WNT8A: variants seen among roughly 807,000 people sequenced by gnomAD.
WNT8A encodes Wnt family member 8A.
In WNT8A, 14 loss-of-function variants were observed where a neutral mutation model predicts 20.5. The observed-to-expected ratio is 0.68, with a 90% confidence interval of 0.45 to 1.07. WNT8A has a LOEUF of 1.07. WNT8A is among the 50% of genes least tolerant of loss of function. The pLI, the probability that WNT8A is intolerant of heterozygous loss-of-function variation, is 0.00. For synonymous variants in WNT8A, 167 were observed against 169.2 expected, an observed-to-expected ratio of 0.99 and a Z score of 0.10; for missense variants, 397 against 462.9, an observed-to-expected ratio of 0.86 and a Z score of 1.31.
At chr5:138,088,074 C>T (rs1335191388) in intron 3 of WNT8A, 143 bp downstream of exon 3, 9 of 1,287,610 alleles carry the variant, frequency 7.0e-6, no homozygotes, top group Non-Finnish European at 9.5e-6. Context: ...GTAGGATCTC[C>T]TAGCCTTACA....
chr5:138,083,893 G>A (rs1473934399), upstream of WNT8A: 5 of 504,314 alleles, frequency 9.9e-6, no homozygotes, highest in East Asian at 1.5e-4. Context: ...CGAAAACTGA[G>A]TCCCTCCTCC....
At position 138,090,722 on chromosome 5, in the gene WNT8A, G is replaced by C. The variant is rs1242729710; in HGVS notation, c.759G>C (p.Trp253Cys). The C allele has an allele frequency of 6.2e-7, 1 of 1,614,244 alleles. No individual in the cohort carries two copies. The highest frequency in any genetic ancestry group is 1.1e-5 in the South Asian group (1 of 91,086). The part of the protein sequence containing the change: ...LRAGNSAEGH[W>C]VPAEAFLPSA... Reference sequence around the variant, plus strand: ...CTGGGAACAGCGCCGAGGGCCACTGGGTGCCCGCTGAGGCCTTCCTTCCTA... The same window carrying C: ...CTGGGAACAGCGCCGAGGGCCACTGCGTGCCCGCTGAGGCCTTCCTTCCTA... The change falls in exon 5 of 5, where the codon TGG becomes TGC. Residue 253 changes from tryptophan to cysteine, a missense_variant. Coordinates refer to ENST00000506684, the MANE Select transcript of WNT8A (RefSeq NM_001300939.2).
At chr5:138,080,444 G>GTTTTCTTTTT (rs1750473637), upstream of WNT8A, among the ~76,000 whole-genome samples, 1 of 55,974 alleles carries the variant, frequency 1.8e-5, no homozygotes, top group Non-Finnish European at 3.2e-5. Flanking sequence ...TGTAAATCTT[G>GTTTTCTTTTT]TTTTTTTTTT....
chr5:138,089,443 GT>G (rs1750778266), intron 4 of WNT8A, among the ~76,000 whole-genome samples: 5 of 152,124 alleles, frequency 3.3e-5, no homozygotes, highest in Admixed American at 6.5e-5. Flanking sequence ...GTCCAGCCTT[GT>G]GTCCTAAAGT....
chr5:138,082,609 G>T (rs1047633699), upstream of WNT8A, among the ~76,000 whole-genome samples: 1 of 152,084 alleles, frequency 6.6e-6, no homozygotes, highest in East Asian at 1.9e-4. Flanking sequence ...GCTGGGTATG[G>T]TGGCTCACGC....
chr5:138,084,462 C>T (rs370987701), intron 1 of WNT8A, 36 bp from the exon 2 acceptor site: 30 of 1,572,784 alleles, frequency 1.9e-5, no homozygotes, highest in Non-Finnish European at 2.5e-5. Context: ...ATGACCCATA[C>T]CGGGCAGAAG....
At position 138,084,499 on chromosome 5, in the gene WNT8A, C is replaced by T. The variant is rs1202295877; in HGVS notation, c.158C>T (p.Ala53Val). Residue 53 changes from alanine (A) to valine (V), a missense_variant and splice_region_variant, in exon 2 of 5, where the codon GCC becomes GTC. Coordinates refer to ENST00000506684, the MANE Select transcript of WNT8A (RefSeq NM_001300939.2). ...TCACAGCCCTTTTCCCTTTGCCAGG[C>T]CTATCTGACCTACACGACTAGTGTG... ...VNNFLITGPK[A>V]YLTYTTSVAL... is the part of the protein sequence containing the mutation. 2.5e-6 allele frequency: 4 copies of T among 1,601,478 alleles called. No individual in the cohort carries two copies. The highest frequency in any genetic ancestry group is 1.7e-5 in the Admixed American group (1 of 58,208).
At chr5:138,082,391 C>A (rs1202956960), upstream of WNT8A, among the ~76,000 whole-genome samples, 2 of 151,878 alleles carry the variant, frequency 1.3e-5, no homozygotes, top group Non-Finnish European at 2.9e-5. Context: ...ACCAGCCTGG[C>A]CAACATAGGG....
Position 138,084,155 on chromosome 5 carries a change from C to G in WNT8A, c.28C>G (p.Leu10Val). 1 of 1,614,188 alleles carries G rather than the reference C, an allele frequency of 6.2e-7. No individual in the cohort carries two copies. Among genetic ancestry groups the G allele is most frequent in the East Asian group, 2.2e-5 (1 of 44,880 alleles). Residue 10 changes from leucine to valine, a missense_variant, in exon 1 of 5, where the codon CTG (leucine) becomes GTG (valine). By Grantham distance (32) the Leu-to-Val change is conservative (BLOSUM62 1). Transcript: ENST00000506684. ...GCTGTGCTGCATTCAGTGCCTCTGC[C>G]TGGTAAGTCCTTTCCCAACCCTCAC... MLCCIQCLC[L>V]VSPFPTLTPC... is the part of the protein sequence containing the mutation.
chr5:138,084,891 G>T (rs542136625), intron 2 of WNT8A, among the ~76,000 whole-genome samples: 1 of 152,100 alleles, frequency 6.6e-6, no homozygotes, highest in Admixed American at 6.5e-5. Context: ...AATGAGGTGG[G>T]TATGAGGTGT....
rs781105773 is a variant in WNT8A at position 138,087,828 on chromosome 5, A to C, written c.318A>C (p.Ile106=). The change falls in exon 3 of 5, where the codon ATA becomes ATC. Residue 106 remains isoleucine (I), a synonymous_variant. Coordinates refer to ENST00000506684, the MANE Select transcript of WNT8A (RefSeq NM_001300939.2). ...AAGCTACCAGAGAGACTTCCTTCATACATGCTATCAGCTCTGCTGGAGTCA... is the reference window on the plus strand; with the variant it reads ...AAGCTACCAGAGAGACTTCCTTCATCCATGCTATCAGCTCTGCTGGAGTCA... ...LRSATRETSF[I]HAISSAGVMY... is the part of the protein sequence containing the mutation. 6 of 1,613,794 alleles carry C rather than the reference A, an allele frequency of 3.7e-6. No homozygotes were observed. In the East Asian group the frequency reaches 1.3e-4, roughly 36 times the overall value.
At chr5:138,084,898 G>GTGTCTCTATGTATGAGA (rs1750610251) in intron 2 of WNT8A, among the ~76,000 whole-genome samples, 1 of 151,946 alleles carries the variant, frequency 6.6e-6, no homozygotes, top group Non-Finnish European at 1.5e-5. Flanking sequence ...TGGGTATGAG[G>GTGTCTCTATGTATGAGA]TGTCTCTATG....
chr5:138,086,165 T>A (rs1290307323), intron 2 of WNT8A, among the ~76,000 whole-genome samples: 1 of 152,150 alleles, frequency 6.6e-6, no homozygotes, highest in African/African-American at 2.4e-5. Flanking sequence ...AAGGTCCCGA[T>A]CCCAACACCA....
At chr5:138,083,984 G>A, upstream of WNT8A, 2 of 1,088,388 alleles carry the variant, frequency 1.8e-6, no homozygotes, top group South Asian at 3.4e-5. Flanking sequence ...TCCTCCCTTG[G>A]ACATTCAGAA....
chr5:138,081,215 G>T (rs1374263275), upstream of WNT8A, among the ~76,000 whole-genome samples: 1 of 104,522 alleles, frequency 9.6e-6, no homozygotes, highest in Non-Finnish European at 1.9e-5. Flanking sequence ...GACAGAGCGA[G>T]ACTCTGTCTC....
At chr5:138,081,463 G>A (rs1750510495), upstream of WNT8A, among the ~76,000 whole-genome samples, 1 of 152,052 alleles carries the variant, frequency 6.6e-6, no homozygotes, top group Non-Finnish European at 1.5e-5. Flanking sequence ...GGTGGCAGGG[G>A]ACTTCCTCGG....
At chr5:138,088,059 C>A in intron 3 of WNT8A, 128 bp downstream of exon 3, 1 of 1,368,692 alleles carries the variant, frequency 7.3e-7, no homozygotes, top group Non-Finnish European at 9.8e-7. Context: ...GCAACTCCTT[C>A]AATTGTAGGA....
At chr5:138,088,201 G>T (rs79861598) in intron 3 of WNT8A, among the ~76,000 whole-genome samples, 1 of 152,126 alleles carries the variant, frequency 6.6e-6, no homozygotes, top group East Asian at 1.9e-4. Context: ...GGTATTTCAG[G>T]CTTGGAATGG....
chr5:138,091,699 G>A (rs546928056), downstream of WNT8A, among the ~76,000 whole-genome samples: 3 of 92,996 alleles, frequency 3.2e-5, no homozygotes, highest in South Asian at 1.2e-3. Flanking sequence ...GGTGGCACTT[G>A]CCTGTAGTCC....
Sources: gnomAD v4.1 joint callset for allele counts (sites outside exome capture counted in the v4.1 genomes callset) on GRCh38, gnomAD v4.1.1 for gene constraint, MANE v1.5 for transcripts, NCBI Gene and HGNC (gene_info 2026-07-23, HGNC 2026-07-21) for gene names.